DNAH5: variants seen among roughly 807,000 people sequenced by gnomAD.
DNAH5 encodes axonemal beta dynein heavy chain 5.
In DNAH5, 372 loss-of-function variants were observed where a neutral mutation model predicts 518.2. The observed-to-expected ratio is 0.72, with a 90% CI of 0.66 to 0.78. The LOEUF is 0.78. Among genes scored for constraint, DNAH5 ranks in the 30% least tolerant of loss-of-function variants. The probability of loss-of-function intolerance (pLI) is 0.00; values close to 1 mark genes in which losing one functional copy is unlikely to be tolerated. For synonymous variants in DNAH5, 2,039 were observed against 2,025.9 expected (o/e 1.01, Z -0.17); for missense variants, 5,523 against 5,687.0 (o/e 0.97, Z 0.93).
intron 17 of DNAH5, among the ~76,000 whole-genome samples, chr5:13,889,406 G>C (rs2151946718): frequency 6.6e-6 from 1 of 152,278 alleles, no homozygotes; most frequent in East Asian, 1.9e-4. Context: ...CGTATAAAAT[G>C]ACTTAATATA....
chr5:13,880,233 C>T (rs537647607), intron 21 of DNAH5, among the ~76,000 whole-genome samples: 1 of 152,204 alleles, frequency 6.6e-6, no homozygotes, highest in African/African-American at 2.4e-5. Context: ...ATGGTATAAA[C>T]TTTCTCATAC....
rs1188775201 is a variant in DNAH5 at position 13,691,416 on chromosome 5, T to C, written c.*568A>G. The C allele has an allele frequency of 6.5e-6, 1 of 152,742 alleles. No homozygotes were observed. Among genetic ancestry groups the C allele is most frequent in the Non-Finnish European group, 1.5e-5 (1 of 68,410 alleles). 9.5% of individuals were successfully genotyped at this position (152,742 alleles called of 1,614,324 possible). A position where few individuals can be genotyped will look rare whatever the true frequency, so the allele number is the denominator to read the frequency against. On this transcript the variant is annotated 3_prime_UTR_variant, in exon 79 of 79. Coordinates refer to ENST00000265104, the MANE Select transcript of DNAH5 (RefSeq NM_001369.3). ...TAATTATAAGTAGGCTTAAGCATTG[T>C]TCTACGTTTATTCTCTATGTTTACA...
chr5:13,891,769 T>C (rs1014793144), intron 16 of DNAH5, among the ~76,000 whole-genome samples: 5 of 152,240 alleles, frequency 3.3e-5, no homozygotes, highest in Non-Finnish European at 5.9e-5. Flanking sequence ...ATTTTTTCTT[T>C]CACTGTAAAT....
intron 43 of DNAH5, among the ~76,000 whole-genome samples, chr5:13,812,180 G>A (rs895253853): frequency 2.0e-5 from 3 of 152,274 alleles, no homozygotes; most frequent in Middle Eastern, 3.4e-3. Flanking sequence ...TATGCTCACA[G>A]ATGGAGAAAT....
At chr5:13,862,306 T>C (rs1417016886) in intron 29 of DNAH5, among the ~76,000 whole-genome samples, 1 of 152,200 alleles carries the variant, frequency 6.6e-6, no homozygotes, top group Non-Finnish European at 1.5e-5. Flanking sequence ...AACATGTGCC[T>C]GAGGCCAAAA....
chr5:13,850,710 C>T lies in DNAH5; in HGVS notation c.5056G>A (p.Gly1686Arg), dbSNP rs1385680717. Residue 1686 changes from glycine to arginine, a missense_variant, in exon 31 of 79, where the codon GGG becomes AGG. Transcript: ENST00000265104. ...VQCCVGDETL[G>R]QLLPHLLDQL... ...TCCAGCAAGTGTGGTAACAGCTGCCCCAGGGTCTCATCTCCAACACAGCAC... is the reference window on the plus strand; with the variant it reads ...TCCAGCAAGTGTGGTAACAGCTGCCTCAGGGTCTCATCTCCAACACAGCAC... The T allele has an allele frequency of 2.5e-6, 4 of 1,614,044 alleles. No individual in the cohort carries two copies. Among genetic ancestry groups the T allele is most frequent in the Admixed American group, 3.3e-5 (2 of 60,016 alleles).
rs1554054090 is a variant in DNAH5 at position 13,799,215 on chromosome 5, C to CA, written c.7888-5158dup. On this transcript the variant is annotated intron_variant, in intron 47 of 78. Coordinates refer to ENST00000265104, the MANE Select transcript of DNAH5 (RefSeq NM_001369.3). ...GCAAAAAGAATTTCATACCCCCCCCCACAAAAATGCAAAATTGTTTGCATT... is the reference window on the plus strand; with the variant it reads ...GCAAAAAGAATTTCATACCCCCCCCCAACAAAAATGCAAAATTGTTTGCATT... 7.4e-3 allele frequency among the ~76,000 whole-genome samples: 1,094 copies of CA among 148,660 alleles called. 16 individuals are homozygous for CA. The highest frequency in any genetic ancestry group is 0.025 in the African/African-American group (1,022 of 40,740).
chr5:13,737,198 A>G, intron 66 of DNAH5, 54 bp downstream of exon 66: 2 of 1,610,304 alleles, frequency 1.2e-6, no homozygotes, highest in Admixed American at 3.3e-5. Context: ...TCTAATTCTC[A>G]TTCCTCTCTC....
chr5:13,801,570 G>A (rs1244976298), intron 47 of DNAH5, among the ~76,000 whole-genome samples: 1 of 152,184 alleles, frequency 6.6e-6, no homozygotes, highest in African/African-American at 2.4e-5. Context: ...TTACCATCTT[G>A]GTCCAGCCCA....
At position 13,850,816 on chromosome 5, in the gene DNAH5, C is replaced by T; in HGVS notation, c.4951-1G>A. On this transcript the variant is annotated splice_acceptor_variant, in intron 30 of 78. Transcript: ENST00000265104. LOFTEE classifies it high-confidence loss of function. The stretch of plus-strand genomic sequence containing the variant: ...CTATGTTAGAAAACCGCTTGGCTTC[C>T]TATGAGAACAAGGTAACAAAGCACA... 6.2e-7 allele frequency: 1 copy of T among 1,614,052 alleles called. No homozygotes were observed.
At chr5:13,931,367 T>C in intron 1 of DNAH5, 123 bp from the exon 2 acceptor site, 4 of 1,056,450 alleles carry the variant, frequency 3.8e-6, no homozygotes, top group African/African-American at 1.6e-5. Context: ...GACAGCTTAA[T>C]GGTACCAATT....
intron 31 of DNAH5, 61 bp downstream of exon 31, chr5:13,850,591 G>C (rs920130612): frequency 1.3e-6 from 2 of 1,496,202 alleles, no homozygotes; most frequent in Non-Finnish European, 1.9e-6. Flanking sequence ...ATGCTATCTA[G>C]TCTCCCTGTA....
In DNAH5 at chr5:13,708,187, C is replaced by T; in HGVS notation, c.13274G>A (p.Ser4425Asn). The change falls in exon 76 of 79, where the codon AGC (serine) becomes AAC (asparagine). Residue 4425 changes from serine (S) to asparagine (N), a missense_variant. Coordinates refer to ENST00000265104, the MANE Select transcript of DNAH5 (RefSeq NM_001369.3). ...KLAIDGTIIM[S>N]ENLRDALDCM... is the part of the protein sequence containing the mutation. Reference sequence around the variant, plus strand: ...ATCCAATGCATCTCGCAGATTTTCGCTCATGATGATGGTGCCATCAATAGC... The same window carrying T: ...ATCCAATGCATCTCGCAGATTTTCGTTCATGATGATGGTGCCATCAATAGC... The T allele has an allele frequency of 1.2e-6, 2 of 1,614,160 alleles. No homozygotes were observed. Among genetic ancestry groups the T allele is most frequent in the Admixed American group, 1.7e-5 (1 of 60,030 alleles).
chr5:13,865,831 G>C lies in DNAH5; in HGVS notation c.4192C>G (p.Gln1398Glu). The C allele has an allele frequency of 6.2e-7, 1 of 1,613,772 alleles. No homozygotes were observed. The stretch of plus-strand genomic sequence containing the variant: ...TTTATTTCAAGAAGCTGAGGATACT[G>C]TGTAGCTGGCAGGCCAAAAAGCTCC... ...GEELFGLPAT[Q>E]YPQLLEIKKQ... The change falls in exon 27 of 79, where the codon CAG becomes GAG. Residue 1398 changes from glutamine (Q) to glutamate (E), a missense_variant. Transcript: ENST00000265104.
At chr5:13,840,359 A>G (rs1031981098) in intron 34 of DNAH5, among the ~76,000 whole-genome samples, 1 of 152,144 alleles carries the variant, frequency 6.6e-6, no homozygotes, top group African/African-American at 2.4e-5. Context: ...CCCATTTTCT[A>G]TAGCTACACA....
Position 13,878,547 on chromosome 5 carries a change from C to G in DNAH5, c.3263-1730G>C, listed in dbSNP as rs77055939. On this transcript the variant is annotated intron_variant, in intron 21 of 78. Coordinates refer to ENST00000265104, the MANE Select transcript of DNAH5 (RefSeq NM_001369.3). Reference sequence around the variant, plus strand: ...CACAGCTGAGCACTTCATGAGTGTTCCCTCTGGCTCCCCTAGTGATAAGCC... The same window carrying G: ...CACAGCTGAGCACTTCATGAGTGTTGCCTCTGGCTCCCCTAGTGATAAGCC... 3.8e-4 allele frequency among the ~76,000 whole-genome samples: 58 copies of G among 152,270 alleles called. No individual in the cohort carries two copies. The East Asian group carries it at 0.011, about 29-fold the overall frequency.
intron 1 of DNAH5, among the ~76,000 whole-genome samples, chr5:13,952,875 TGG>T (rs1780520133): frequency 6.6e-6 from 1 of 152,198 alleles, no homozygotes; most frequent in Non-Finnish European, 1.5e-5. Flanking sequence ...CTGGAATTCC[TGG>T]GATCAAGTGA....
chr5:13,889,900 T>A (rs1214868840), intron 17 of DNAH5, among the ~76,000 whole-genome samples: 1 of 152,094 alleles, frequency 6.6e-6, no homozygotes, highest in Non-Finnish European at 1.5e-5. Flanking sequence ...GTCCTCCTAG[T>A]GGGGGTGGTC....
At chr5:13,737,534 C>A (rs1202361692) in intron 65 of DNAH5, 39 bp from the exon 66 acceptor site, 2 of 1,603,322 alleles carry the variant, frequency 1.2e-6, no homozygotes, top group African/African-American at 1.3e-5. Context: ...CCTCAATTAA[C>A]AACTCTTGTT....
Sources: allele counts gnomAD v4.1 joint callset (sites outside exome capture counted in the v4.1 genomes callset), GRCh38; gene constraint gnomAD v4.1.1; transcripts MANE v1.5; gene names NCBI Gene and HGNC (gene_info 2026-07-23, HGNC 2026-07-21).